The following ZC3H7B variants were observed in gnomAD, a reference collection of about 807,000 sequenced individuals.
ZC3H7B encodes zinc finger CCCH domain-containing protein 7B.
ZC3H7B carries 35 observed loss-of-function variants against 116.0 expected under a neutral mutation model. The ratio of observed to expected loss-of-function variants is 0.30; its 90% CI spans 0.23 to 0.40. The LOEUF (loss-of-function observed/expected upper bound fraction) is 0.40. Ranked by LOEUF, ZC3H7B falls within the 10% of genes least tolerant of loss-of-function variation. The probability of loss-of-function intolerance (pLI) is 1.00; values close to 1 mark genes in which losing one functional copy is unlikely to be tolerated. For synonymous variants in ZC3H7B, 502 were observed against 545.6 expected, an observed-to-expected ratio of 0.92 and a Z score of 1.11; for missense variants, 1,011 against 1,321.5, an observed-to-expected ratio of 0.77 and a Z score of 3.64.
In ZC3H7B at chr22:41,346,682, G is replaced by T. The variant is rs1388023226; in HGVS notation, c.1665+474G>T. Among the ~76,000 whole-genome samples, 3 of 152,146 alleles carry T rather than the reference G, an allele frequency of 2.0e-5. No homozygotes were observed. Among genetic ancestry groups the T allele is most frequent in the Admixed American group, 6.5e-5 (1 of 15,284 alleles). On this transcript the variant is annotated intron_variant, in intron 14 of 22. Coordinates refer to ENST00000352645, the MANE Select transcript of ZC3H7B (RefSeq NM_017590.6). This position sits in a 1 kb window ranked among gnomAD's most constrained non-coding sequence, Gnocchi z 5.3. ...AATACAAAAATTAGCTGGGCGTTGT[G>T]GTGCACGCCTGTAGTCCCAGCTAGT...
chr22:41,340,109 C>T lies in ZC3H7B; in HGVS notation c.1110C>T (p.Gly370=). The change falls in exon 10 of 23, where the codon GGC becomes GGT. Residue 370 remains glycine (G), a synonymous_variant. Coordinates refer to ENST00000352645, the MANE Select transcript of ZC3H7B (RefSeq NM_017590.6). ...TCGACAGCTTTGGGTCGACACGAGG[C>T]TCCCTGGACAAACCTGACTCCTTCA... The part of the protein sequence containing the change: ...DALDSFGSTR[G]SLDKPDSFME... The T allele has an allele frequency of 6.2e-7, 1 of 1,609,780 alleles. No homozygotes were observed. Among genetic ancestry groups the T allele is most frequent in the Non-Finnish European group, 8.5e-7 (1 of 1,178,472 alleles).
At position 41,349,012 on chromosome 22, in the gene ZC3H7B, CA is replaced by C. The variant is rs1837212045; in HGVS notation, c.1767-107del. On this transcript the variant is annotated intron_variant, in intron 15 of 22. Coordinates refer to ENST00000352645, the MANE Select transcript of ZC3H7B (RefSeq NM_017590.6). The surrounding 1 kb of genome is among the most constrained non-coding windows in gnomAD (Gnocchi z 4.9). ...CATGGCCTGGATTTGGTACATAGAT[CA>C]GGGGGTGCCCAGGGAGAGCCTGGCA... 5.7e-6 allele frequency: 7 copies of C among 1,237,228 alleles called. No individual in the cohort carries two copies. The highest frequency in any genetic ancestry group is 1.5e-5 in the African/African-American group (1 of 67,200). 76.6% of individuals were successfully genotyped at this position (1,237,228 alleles called of 1,614,324 possible). A position where few individuals can be genotyped will look rare whatever the true frequency, so the allele number is the denominator to read the frequency against.
At chr22:41,344,088 TGGTCCCA>T (rs1569240999) in intron 13 of ZC3H7B, among the ~76,000 whole-genome samples, 4 of 152,236 alleles carry the variant, frequency 2.6e-5, no homozygotes, top group Non-Finnish European at 4.4e-5. Flanking sequence ...AGCTTCTTTC[TGGTCCCA>T]GCCAAGCGCC....
rs1182135661 is a variant in ZC3H7B at position 41,338,963 on chromosome 22, C to A, written c.626-38C>A. The A allele has an allele frequency of 6.7e-7, 1 of 1,499,034 alleles. No individual in the cohort carries two copies. The allele number at this position is 1,499,034 out of a possible 1,614,324, so 92.9% of individuals were successfully genotyped here. A position where few individuals can be genotyped will look rare whatever the true frequency, so the allele number is the denominator to read the frequency against. On this transcript the variant is annotated intron_variant, in intron 8 of 22. Transcript: ENST00000352645. This position sits in a 1 kb window ranked among gnomAD's most constrained non-coding sequence, Gnocchi z 4.5. ...GGACGCCTCCTCCACCCTCACCAAG[C>A]AGTGCTCCCCTTCGGCTCTTGCCCA...
intron 6 of ZC3H7B, 71 bp downstream of exon 6, chr22:41,330,174 G>T: frequency 6.6e-7 from 1 of 1,525,030 alleles, no homozygotes; most frequent in Admixed American, 1.8e-5. Flanking sequence ...ACCAGGCTCC[G>T]TGGGGAAGGT....
intron 1 of ZC3H7B, among the ~76,000 whole-genome samples, chr22:41,318,618 G>A (rs4552281): frequency 0.056 from 8,448 of 151,152 alleles, 644 homozygotes; most frequent in Admixed American, 0.23. Flanking sequence ...GCATGGTGGC[G>A]CGCGCCTGTG....
intron 1 of ZC3H7B, among the ~76,000 whole-genome samples, chr22:41,312,958 A>G (rs1403854400): frequency 6.6e-6 from 1 of 152,126 alleles, no homozygotes; most frequent in Non-Finnish European, 1.5e-5. Context: ...TTCATAGATT[A>G]AATTCTTGGA....
At chr22:41,350,142 G>A (rs2036638280) in intron 16 of ZC3H7B, among the ~76,000 whole-genome samples, 1 of 152,164 alleles carries the variant, frequency 6.6e-6, no homozygotes, top group South Asian at 2.1e-4. Context: ...CTTTTGACCA[G>A]GGAAGGGCGG....
Position 41,346,838 on chromosome 22 carries a change from C to T in ZC3H7B, c.1665+630C>T, listed in dbSNP as rs754585168. Among the ~76,000 whole-genome samples the T allele has an allele frequency of 5.3e-5, 8 of 151,918 alleles. No individual in the cohort carries two copies. The highest frequency in any genetic ancestry group is 1.0e-4 in the Non-Finnish European group (7 of 68,012). On this transcript the variant is annotated intron_variant, in intron 14 of 22. Transcript: ENST00000352645. This position sits in a 1 kb window ranked among gnomAD's most constrained non-coding sequence, Gnocchi z 5.3. ...ATTAGCTGGGCTTGGTGGCATGCGC[C>T]TCCCGTCCCAGTTACTCAGGAGGCT...
rs1300767297 is a variant in ZC3H7B, at chr22:41,332,435, G to A, written c.582+208G>A. The A allele has an allele frequency of 5.0e-6, 3 of 606,008 alleles. No homozygotes were observed. The East Asian group carries it at 8.6e-5, about 17-fold the overall frequency. 37.5% of individuals were successfully genotyped at this position (606,008 alleles called of 1,614,324 possible). A position where few individuals can be genotyped will look rare whatever the true frequency, so the allele number is the denominator to read the frequency against. ...GGTCATTGCCGGGGAGCCGCCGGGG[G>A]CAGCCTCACTCTTGAACCCTGGCCA... On this transcript the variant is annotated intron_variant, in intron 7 of 22. Transcript: ENST00000352645.
intron 21 of ZC3H7B, 49 bp downstream of exon 21, chr22:41,356,525 T>G (rs766120657): frequency 1.9e-6 from 3 of 1,611,970 alleles, no homozygotes; most frequent in Middle Eastern, 1.7e-4. Flanking sequence ...GGCTGTGGTC[T>G]GAGCCTCACC....
At position 41,338,288 on chromosome 22, in the gene ZC3H7B, C is replaced by T. The variant is rs1476650416; in HGVS notation, c.583-25C>T. The T allele has an allele frequency of 2.9e-5, 46 of 1,608,646 alleles. No homozygotes were observed. Among genetic ancestry groups the T allele is most frequent in the Non-Finnish European group, 3.8e-5 (45 of 1,178,766 alleles). On this transcript the variant is annotated intron_variant, in intron 7 of 22. Transcript: ENST00000352645. This position sits in a 1 kb window ranked among gnomAD's most constrained non-coding sequence, Gnocchi z 4.5. Reference sequence around the variant, plus strand: ...GGGATCGGGGCCTTCCCAGCCACAGCGCCACTGTGGCCCTCTCCCCACAGG... The same window carrying T: ...GGGATCGGGGCCTTCCCAGCCACAGTGCCACTGTGGCCCTCTCCCCACAGG...
rs761116488 is a variant in ZC3H7B at position 41,346,128 on chromosome 22, C to A, written c.1585C>A (p.Leu529Met). The change falls in exon 14 of 23, where the codon CTG becomes ATG. Residue 529 changes from leucine (L) to methionine (M), a missense_variant. Coordinates refer to ENST00000352645, the MANE Select transcript of ZC3H7B (RefSeq NM_017590.6). This position sits in a 1 kb window ranked among gnomAD's most constrained non-coding sequence, Gnocchi z 5.3. ...TLNRDLLFDP[L>M]GGVKRGSLTI... ...CAACCGCGACCTGCTCTTCGACCCG[C>A]TGGGGGGTGTTAAGCGCGGCAGCCT... 6.2e-7 allele frequency: 1 copy of A among 1,613,554 alleles called. No individual in the cohort carries two copies. The highest frequency in any genetic ancestry group is 8.5e-7 in the Non-Finnish European group (1 of 1,180,018).
chr22:41,325,404 G>A (rs985031230), intron 2 of ZC3H7B, among the ~76,000 whole-genome samples, 160 bp from the exon 3 acceptor site: 1 of 152,138 alleles, frequency 6.6e-6, no homozygotes, highest in Non-Finnish European at 1.5e-5. Context: ...ATCAGAACTG[G>A]AAGGCCTGCA....
chr22:41,329,097 G>A (rs943377910), intron 5 of ZC3H7B, among the ~76,000 whole-genome samples: 17 of 147,076 alleles, frequency 1.2e-4, no homozygotes, highest in Admixed American at 4.8e-4. Flanking sequence ...TCCCAGCTAC[G>A]CGAAGGCTGA....
At chr22:41,342,701 C>T (rs2036537695) in intron 12 of ZC3H7B, 73 bp downstream of exon 12, 1 of 1,382,724 alleles carries the variant, frequency 7.2e-7, no homozygotes, top group Admixed American at 2.0e-5. Context: ...GATCCCAGAT[C>T]AAAAGAATCC....
At chr22:41,341,286 G>C in intron 11 of ZC3H7B, 140 bp downstream of exon 11, 2 of 1,009,436 alleles carry the variant, frequency 2.0e-6, no homozygotes, top group Non-Finnish European at 2.9e-6. Context: ...ATGGATCAAA[G>C]ATGATCACCT....
intron 11 of ZC3H7B, among the ~76,000 whole-genome samples, chr22:41,341,891 G>C (rs983648304): frequency 6.6e-6 from 1 of 151,904 alleles, no homozygotes; most frequent in Non-Finnish European, 1.5e-5. Flanking sequence ...GTGATACCCC[G>C]TCTCTATTAA....
At chr22:41,305,338 G>A (rs2036026901) in intron 1 of ZC3H7B, among the ~76,000 whole-genome samples, 3 of 142,092 alleles carry the variant, frequency 2.1e-5, no homozygotes, top group Admixed American at 1.4e-4. Flanking sequence ...GCAAGACTCT[G>A]TCTCAAAAAA....
Sources: allele counts gnomAD v4.1 joint callset (sites outside exome capture counted in the v4.1 genomes callset), GRCh38; gene constraint gnomAD v4.1.1; non-coding constraint Gnocchi (gnomAD v3.1); transcripts MANE v1.5; gene names NCBI Gene and HGNC (gene_info 2026-07-23, HGNC 2026-07-21).